The following TENM2 variants were observed in gnomAD, a reference collection of about 807,000 sequenced individuals.
TENM2 encodes the protein teneurin transmembrane protein 2.
In TENM2, 52 loss-of-function variants were observed where a neutral mutation model predicts 245.2. The ratio of observed to expected loss-of-function variants is 0.21; its 90% confidence interval spans 0.17 to 0.27. The LOEUF is 0.27. Among genes scored for constraint, TENM2 ranks in the 10% least tolerant of loss-of-function variants. The pLI is 1.00. For missense variants in TENM2, 3,046 were observed against 3,666.8 expected (o/e 0.83, Z 4.37); for synonymous variants, 1,363 against 1,438.9 (o/e 0.95, Z 1.19).
At chr5:167,590,579 C>A (rs1775809067) in intron 2 of TENM2, among the ~76,000 whole-genome samples, 1 of 151,480 alleles carries the variant, frequency 6.6e-6, no homozygotes, top group Admixed American at 6.6e-5. Context: ...TTTTTTTTCT[C>A]CCAGGCATGT....
chr5:167,331,793 T>A (rs1056728941), intron 1 of TENM2, among the ~76,000 whole-genome samples: 13 of 152,172 alleles, frequency 8.5e-5, no homozygotes, highest in Non-Finnish European at 1.8e-4. Flanking sequence ...AAGCAGAGAA[T>A]GTTGTTAATG....
chr5:168,169,493 A>G (rs1215762497), intron 13 of TENM2, among the ~76,000 whole-genome samples: 13 of 152,210 alleles, frequency 8.5e-5, no homozygotes, highest in Admixed American at 7.8e-4. Context: ...GAGTCTGTCC[A>G]AAGCACTTGG....
intron 2 of TENM2, among the ~76,000 whole-genome samples, chr5:167,425,351 CCTT>C (rs1188905620): frequency 1.3e-5 from 2 of 152,150 alleles, no homozygotes; most frequent in African/African-American, 4.8e-5. Context: ...AGTATCTTGA[CCTT>C]CTGGCACCTT....
the TENM2 span, among the ~76,000 whole-genome samples, chr5:167,213,551 A>G: frequency 1.9e-3 from 291 of 152,318 alleles, no homozygotes; most frequent in African/African-American, 6.7e-3. Flanking sequence ...CAGAGGGCAT[A>G]AACATTCAGT....
chr5:166,980,122 C>A, the TENM2 span, among the ~76,000 whole-genome samples: 27 of 152,260 alleles, frequency 1.8e-4, no homozygotes, highest in Non-Finnish European at 5.9e-5. Flanking sequence ...TAATAGACAC[C>A]ACTACCCATG....
chr5:167,432,212 C>G (rs531781187), intron 2 of TENM2, among the ~76,000 whole-genome samples: 3 of 151,532 alleles, frequency 2.0e-5, no homozygotes, highest in Non-Finnish European at 2.9e-5. Context: ...AACAGCTCAT[C>G]ATCAACGTGA....
chr5:168,075,857 G>C (rs1179186370), intron 7 of TENM2, among the ~76,000 whole-genome samples: 1 of 152,190 alleles, frequency 6.6e-6, no homozygotes, highest in East Asian at 1.9e-4. Context: ...GTGGCGGCAG[G>C]CAAGAGAGCA....
At chr5:167,317,829 T>C (rs370411584) in intron 1 of TENM2, among the ~76,000 whole-genome samples, 1 of 152,054 alleles carries the variant, frequency 6.6e-6, no homozygotes, top group Non-Finnish European at 1.5e-5. Flanking sequence ...TGTCTGAGGG[T>C]TCAGGTTGAT....
chr5:167,277,520 G>T, the TENM2 span, among the ~76,000 whole-genome samples: 1 of 152,008 alleles, frequency 6.6e-6, no homozygotes, highest in African/African-American at 2.4e-5. Context: ...TATGTTTTAT[G>T]ATCCAAGATA....
chr5:167,115,224 G>C, the TENM2 span, among the ~76,000 whole-genome samples: 1 of 152,316 alleles, frequency 6.6e-6, no homozygotes, highest in African/African-American at 2.4e-5. Context: ...GGTTGTGGGT[G>C]TCTAATTCAA....
intron 2 of TENM2, among the ~76,000 whole-genome samples, chr5:167,415,198 G>C (rs1388671371): frequency 1.3e-5 from 2 of 152,042 alleles, no homozygotes; most frequent in African/African-American, 4.8e-5. Flanking sequence ...TCAACTGTAG[G>C]ATAGGTAAGT....
At chr5:167,324,060 ATTAAG>A (rs1756937897) in intron 1 of TENM2, among the ~76,000 whole-genome samples, 1 of 152,128 alleles carries the variant, frequency 6.6e-6, no homozygotes, top group African/African-American at 2.4e-5. Flanking sequence ...CATGACCTTA[ATTAAG>A]TTAGTCACCC....
At chr5:167,889,462 T>A (rs539485632) in intron 3 of TENM2, among the ~76,000 whole-genome samples, 1 of 152,330 alleles carries the variant, frequency 6.6e-6, no homozygotes, top group East Asian at 1.9e-4. Flanking sequence ...TCTGTGGTAA[T>A]GGAGCACTCG....
intron 2 of TENM2, among the ~76,000 whole-genome samples, chr5:167,576,357 A>G (rs1774686222): frequency 6.6e-6 from 1 of 151,988 alleles, no homozygotes; most frequent in African/African-American, 2.4e-5. Flanking sequence ...CAGGAAAAAA[A>G]GAAATGCAGT....
chr5:168,165,613 T>G (rs1581507908), intron 13 of TENM2, among the ~76,000 whole-genome samples: 2 of 120,596 alleles, frequency 1.7e-5, no homozygotes, highest in Non-Finnish European at 3.3e-5. Flanking sequence ...GGCCTAAGGG[T>G]TGCCCACCAG....
chr5:166,985,170 A>G, the TENM2 span, among the ~76,000 whole-genome samples: 1 of 152,130 alleles, frequency 6.6e-6, no homozygotes, highest in South Asian at 2.1e-4. Context: ...AATTGCATAC[A>G]ACTATCCACG....
intron 5 of TENM2, among the ~76,000 whole-genome samples, chr5:168,004,789 G>A (rs1040852789): frequency 9.9e-5 from 15 of 151,962 alleles, no homozygotes; most frequent in South Asian, 2.1e-4. Flanking sequence ...CCTTTAAATC[G>A]CCTTGGGGGA....
chr5:168,049,283 C>T (rs969212370), intron 6 of TENM2, among the ~76,000 whole-genome samples: 1 of 152,200 alleles, frequency 6.6e-6, no homozygotes, highest in African/African-American at 2.4e-5. Flanking sequence ...GGAAACTCCA[C>T]TTTATGGGGT....
chr5:167,158,457 G>T, the TENM2 span, among the ~76,000 whole-genome samples: 184 of 152,260 alleles, frequency 1.2e-3, 1 homozygote, highest in East Asian at 7.9e-3. Context: ...CCTGCTTGGG[G>T]TCTAGGTCTT....
Sources: gnomAD v4.1 joint callset for allele counts (sites outside exome capture counted in the v4.1 genomes callset) on GRCh38, gnomAD v4.1.1 for gene constraint, MANE v1.5 for transcripts, NCBI Gene and HGNC (gene_info 2026-07-23, HGNC 2026-07-21) for gene names.